The following TRIM16 variants were observed in gnomAD, a reference collection of about 807,000 sequenced individuals.
TRIM16 encodes the protein tripartite motif-containing protein 16.
A neutral mutation model predicts 50.4 loss-of-function variants in TRIM16; 33 were observed. That is an observed-to-expected ratio of 0.65 (90% CI 0.50 to 0.88). The LOEUF (loss-of-function observed/expected upper bound fraction) is 0.88, where lower values mean the gene tolerates loss of function less well. Among genes scored for constraint, TRIM16 ranks in the 40% least tolerant of loss-of-function variants. TRIM16 has a pLI of 0.00. For synonymous variants in TRIM16, 229 were observed against 270.7 expected, an observed-to-expected ratio of 0.85 and a Z score of 1.51; for missense variants, 581 against 686.8, an observed-to-expected ratio of 0.85 and a Z score of 1.72.
intron 4 of TRIM16, among the ~76,000 whole-genome samples, chr17:15,679,376 CAA>C (rs1319940401): frequency 6.6e-6 from 1 of 152,086 alleles, no homozygotes; most frequent in Non-Finnish European, 1.5e-5. Flanking sequence ...CAAGCCAAAA[CAA>C]AAGAGAATAG....
chr17:15,651,207 G>A lies in TRIM16; in HGVS notation c.403C>T (p.His135Tyr). 1 of 1,614,240 alleles carries A rather than the reference G, an allele frequency of 6.2e-7. No homozygotes were observed. Among genetic ancestry groups the A allele is most frequent in the Non-Finnish European group, 8.5e-7 (1 of 1,180,042 alleles). Residue 135 changes from histidine (H) to tyrosine (Y), a missense_variant, in exon 7 of 12, where the codon CAC becomes TAC. Physicochemically the swap from His to Tyr is moderately conservative, Grantham distance 83. This residue lies in a region of TRIM16 where 450 missense variants were observed against 544.3 expected (regional missense o/e 0.83). Transcript: ENST00000649191. ...CAGCAGAAGGCAGACAGTGGGCTGT[G>A]GTGGGCAGGGCAGTATCGCCAGTTG... is the stretch of plus-strand genomic sequence containing the variant. Reference protein sequence around the residue: ...DHNWRYCPAHHSPLSAFCCPD... With the variant: ...DHNWRYCPAHYSPLSAFCCPD...
intron 8 of TRIM16, among the ~76,000 whole-genome samples, chr17:15,639,280 A>G (rs1454986981): frequency 6.8e-6 from 1 of 146,376 alleles, no homozygotes; most frequent in African/African-American, 2.6e-5. Flanking sequence ...TCCTGGCCTC[A>G]AGCAATCTGC....
intron 7 of TRIM16, 145 bp downstream of exon 7, chr17:15,650,946 C>A: frequency 8.4e-7 from 1 of 1,193,152 alleles, no homozygotes; most frequent in South Asian, 1.6e-5. Flanking sequence ...TTACACTGAC[C>A]CAGCAGGCAG....
intron 8 of TRIM16, among the ~76,000 whole-genome samples, chr17:15,639,974 A>G (rs1254907824): frequency 6.7e-6 from 1 of 149,130 alleles, no homozygotes; most frequent in Non-Finnish European, 1.5e-5. Flanking sequence ...AACAACCAAC[A>G]TGTAGTAAGT....
intron 7 of TRIM16, among the ~76,000 whole-genome samples, chr17:15,650,733 G>A (rs967438977): frequency 6.6e-6 from 1 of 152,030 alleles, no homozygotes. Flanking sequence ...CCAGCCACAG[G>A]GACATATCAC....
chr17:15,628,356 C>T lies in TRIM16; in HGVS notation c.*259G>A. 1 of 359,760 alleles carries T rather than the reference C, an allele frequency of 2.8e-6. No individual in the cohort carries two copies. Among genetic ancestry groups the T allele is most frequent in the Non-Finnish European group, 4.9e-6 (1 of 203,448 alleles). The allele number at this position is 359,760 out of a possible 1,614,324, so 22.3% of individuals were successfully genotyped here. ...CTCGGGAGGCGGAGCTTGCAGTGAG[C>T]CAAGATCGCGCCACTGCTCTCCAGC... On this transcript the variant is annotated 3_prime_UTR_variant, in exon 12 of 12. Coordinates refer to ENST00000649191, the MANE Select transcript of TRIM16 (RefSeq NM_001348119.1).
chr17:15,650,637 G>A (rs1293225506), intron 7 of TRIM16, among the ~76,000 whole-genome samples: 1 of 152,192 alleles, frequency 6.6e-6, no homozygotes, highest in Non-Finnish European at 1.5e-5. Context: ...GAGAAAAAGA[G>A]AAACTGGGAG....
chr17:15,631,676 G>A lies in TRIM16; in HGVS notation c.1054C>T (p.Gln352Ter). 1.9e-6 allele frequency: 3 copies of A among 1,613,916 alleles called. No individual in the cohort carries two copies. The highest frequency in any genetic ancestry group is 2.5e-6 in the Non-Finnish European group (3 of 1,179,872). ...GGTTTGGAAGTCCAATATTTGCGCT[G>A]AACAACGGCAGACACTTGAGTTCTG... ...DIRTQVSAVV[Q>*]RKYWTSKPEP... Residue 352 changes from glutamine to a stop codon, truncating the protein, a stop_gained, in exon 11 of 12, where the codon CAG (glutamine) becomes TAG (stop). Transcript: ENST00000649191. LOFTEE classifies it high-confidence loss of function.
intron 6 of TRIM16, among the ~76,000 whole-genome samples, chr17:15,676,479 G>T (rs1425330409): frequency 6.7e-6 from 1 of 149,008 alleles, no homozygotes; most frequent in East Asian, 2.0e-4. Flanking sequence ...CTGTCACCCA[G>T]GCTGGAGTGC....
At chr17:15,653,563 C>A (rs575012487) in intron 6 of TRIM16, among the ~76,000 whole-genome samples, 6 of 152,318 alleles carry the variant, frequency 3.9e-5, no homozygotes, top group Admixed American at 3.9e-4. Flanking sequence ...TATGTCTTCA[C>A]ATGGTCTTCC....
chr17:15,656,076 C>T (rs766728863), intron 6 of TRIM16, among the ~76,000 whole-genome samples: 2 of 152,066 alleles, frequency 1.3e-5, no homozygotes, highest in Non-Finnish European at 2.9e-5. Flanking sequence ...GTGGTGGCCC[C>T]TCTGGAGGCT....
Position 15,671,194 on chromosome 17 carries a change from G to A in TRIM16, c.-338+5982C>T, listed in dbSNP as rs547062942. 3.9e-5 allele frequency among the ~76,000 whole-genome samples: 6 copies of A among 152,092 alleles called. No individual in the cohort carries two copies. The East Asian group carries it at 1.2e-3, about 29-fold the overall frequency. Reference sequence around the variant, plus strand: ...TCACTGAAGTCGTGCTCTTACACAAGGTTACTTCTGTAGTCAGCATGTAAG... The same window carrying A: ...TCACTGAAGTCGTGCTCTTACACAAAGTTACTTCTGTAGTCAGCATGTAAG... On this transcript the variant is annotated intron_variant, in intron 6 of 11. Coordinates refer to ENST00000649191, the MANE Select transcript of TRIM16 (RefSeq NM_001348119.1).
chr17:15,629,917 C>T (rs113862721), intron 11 of TRIM16, among the ~76,000 whole-genome samples: 2 of 121,524 alleles, frequency 1.6e-5, no homozygotes, highest in Non-Finnish European at 3.7e-5. Context: ...ACTGGTCGTT[C>T]GCTGTTCTCT....
intron 6 of TRIM16, among the ~76,000 whole-genome samples, chr17:15,668,608 C>T (rs569230940): frequency 4.6e-5 from 7 of 152,134 alleles, no homozygotes; most frequent in Admixed American, 3.9e-4. Context: ...AGTCCCTTGC[C>T]GTTTTCTCCT....
In TRIM16 at chr17:15,635,172, T is replaced by A. The variant is rs1369712105; in HGVS notation, c.849+864A>T. Among the ~76,000 whole-genome samples the A allele has an allele frequency of 1.4e-5, 2 of 146,506 alleles. 1 individual carries two copies. The highest frequency in any genetic ancestry group is 3.0e-5 in the Non-Finnish European group (2 of 66,472). ...TTCAAAAATGCAAGCAAGAAAAAAT[T>A]GTATTTCAGAATATCAGAGCTTGGA... On this transcript the variant is annotated intron_variant, in intron 9 of 11. Transcript: ENST00000649191.
chr17:15,682,768 G>C (rs1181800558), intron 3 of TRIM16, 86 bp downstream of exon 3: 3 of 1,258,994 alleles, frequency 2.4e-6, no homozygotes, highest in Non-Finnish European at 3.1e-6. Context: ...AATGGAAAGA[G>C]TACGGAAGTA....
intron 7 of TRIM16, among the ~76,000 whole-genome samples, chr17:15,646,966 A>G (rs1242654688): frequency 6.6e-6 from 1 of 151,088 alleles, no homozygotes; most frequent in Admixed American, 6.6e-5. Flanking sequence ...GCTGAAATAA[A>G]TTCTTTTTTT....
intron 7 of TRIM16, among the ~76,000 whole-genome samples, chr17:15,644,691 C>G (rs1410199183): frequency 1.3e-5 from 2 of 152,192 alleles, no homozygotes; most frequent in Non-Finnish European, 1.5e-5. Context: ...GCCCCCTCAG[C>G]CACCCAGTCA....
rs558803411 is a variant in TRIM16 at position 15,636,254 on chromosome 17, C to A, written c.631G>T (p.Val211Phe). The A allele has an allele frequency of 1.7e-4, 270 of 1,608,584 alleles. 25 individuals carry two copies. The South Asian group carries it at 2.9e-3, about 17-fold the overall frequency. Reference protein sequence around the residue: ...QKSVLVSVSEVKAVAEMQFGE... With the variant: ...QKSVLVSVSEFKAVAEMQFGE... ...AACTGCATTTCAGCCACCGCTTTGA[C>A]CTCTGACACCGACACCTGGCAGGGG... The change falls in exon 9 of 12, where the codon GTC becomes TTC. Residue 211 changes from valine to phenylalanine, a missense_variant. Val to Phe is a conservative substitution (Grantham distance 50, BLOSUM62 -1). Around this residue, in one of 3 missense-constraint regions of TRIM16, gnomAD observed 450 missense variants for 544.3 expected, o/e 0.83. Coordinates refer to ENST00000649191, the MANE Select transcript of TRIM16 (RefSeq NM_001348119.1).
Sources: allele counts gnomAD v4.1 joint callset (sites outside exome capture counted in the v4.1 genomes callset), GRCh38; gene constraint gnomAD v4.1.1; regional missense constraint gnomAD v4.1.1; transcripts MANE v1.5; gene names NCBI Gene and HGNC (gene_info 2026-07-23, HGNC 2026-07-21).